Variants in NTN1 observed in about 807,000 individuals in gnomAD.
The protein encoded by NTN1 is netrin 1.
In NTN1, 11 loss-of-function variants were observed where a neutral mutation model predicts 54.2. That is an observed-to-expected ratio of 0.20 (90% CI 0.13 to 0.34). The LOEUF is 0.34. Among genes scored for constraint, NTN1 ranks in the 10% least tolerant of loss-of-function variants. The probability of loss-of-function intolerance (pLI) is 1.00; values close to 1 mark genes in which losing one functional copy is unlikely to be tolerated. For synonymous variants in NTN1, 371 were observed against 382.0 expected (o/e 0.97, Z 0.33); for missense variants, 740 against 893.1 (o/e 0.83, Z 2.18).
intron 5 of NTN1, among the ~76,000 whole-genome samples, chr17:9,200,587 T>C (rs575923130): frequency 5.9e-5 from 9 of 152,354 alleles, no homozygotes; most frequent in Admixed American, 5.2e-4. Flanking sequence ...GGATTTCTTG[T>C]TCAGCCAGGC....
the NTN1 span, among the ~76,000 whole-genome samples, chr17:9,010,457 G>A: frequency 1.3e-5 from 2 of 152,208 alleles, no homozygotes; most frequent in East Asian, 3.8e-4. Flanking sequence ...GGAGCAGTGA[G>A]ATGTGGTCAC....
intron 3 of NTN1, chr17:9,172,794 C>G (rs553758670): frequency 6.6e-6 from 1 of 150,986 alleles, no homozygotes. Context: ...GGTAGATCAC[C>G]TGAGGTCAGG....
chr17:9,170,023 G>A (rs1480530659), intron 3 of NTN1, among the ~76,000 whole-genome samples: 2 of 152,188 alleles, frequency 1.3e-5, no homozygotes, highest in African/African-American at 4.8e-5. Flanking sequence ...GTGTCTTTTG[G>A]GCTTTTTGTT....
At chr17:9,168,224 TTTAAATTTTTTAAA>T (rs565956978) in intron 3 of NTN1, among the ~76,000 whole-genome samples, 1 of 152,344 alleles carries the variant, frequency 6.6e-6, no homozygotes, top group South Asian at 2.1e-4. Flanking sequence ...AGGTTGGGCA[TTTAAATTTTTTAAA>T]TTTAAAAATC....
intron 2 of NTN1, among the ~76,000 whole-genome samples, chr17:9,040,797 C>T (rs1597466651): frequency 6.7e-6 from 1 of 148,572 alleles, no homozygotes; most frequent in East Asian, 2.0e-4. Flanking sequence ...CTCTTTCTTA[C>T]TTTTTTTTTT....
chr17:9,126,424 C>G (rs1217858929), intron 2 of NTN1, among the ~76,000 whole-genome samples: 1 of 152,126 alleles, frequency 6.6e-6, no homozygotes, highest in Non-Finnish European at 1.5e-5. Context: ...GCAGGAGAAT[C>G]ACTTGAACCT....
Position 9,152,228 on chromosome 17 carries a change from G to A in NTN1, c.1019-10585G>A, listed in dbSNP as rs118094471. On this transcript the variant is annotated intron_variant, in intron 2 of 6. Coordinates refer to ENST00000173229, the MANE Select transcript of NTN1 (RefSeq NM_004822.3). ...CTTCATTCTTGAAGTGAGCGAGACCGGGAACCCACTGGCAGGAACCAACTC... is the reference window on the plus strand; with the variant it reads ...CTTCATTCTTGAAGTGAGCGAGACCAGGAACCCACTGGCAGGAACCAACTC... Among the ~76,000 whole-genome samples, 327 of 152,268 alleles carry A rather than the reference G, an allele frequency of 2.1e-3. 1 individual carries two copies. Among genetic ancestry groups the A allele is most frequent in the African/African-American group, 5.6e-3 (234 of 41,550 alleles).
intron 6 of NTN1, among the ~76,000 whole-genome samples, chr17:9,226,075 G>A (rs891293702): frequency 2.7e-5 from 4 of 149,102 alleles, no homozygotes; most frequent in Non-Finnish European, 4.4e-5. Flanking sequence ...GCCCTGTCCC[G>A]TGTTCTCTCG....
intron 5 of NTN1, among the ~76,000 whole-genome samples, chr17:9,208,560 T>C (rs933216237): frequency 1.3e-5 from 2 of 152,156 alleles, no homozygotes; most frequent in Non-Finnish European, 2.9e-5. Context: ...GGTTTTCTTG[T>C]GCCTGGGGCT....
At chr17:9,070,295 A>G (rs2092028194) in intron 2 of NTN1, among the ~76,000 whole-genome samples, 1 of 152,322 alleles carries the variant, frequency 6.6e-6, no homozygotes, top group East Asian at 1.9e-4. Flanking sequence ...AATGTCAGCC[A>G]TGAGCCTTCC....
In NTN1 at chr17:9,226,756, C is replaced by T. The variant is rs375104658; in HGVS notation, c.1486+5514C>T. Among the ~76,000 whole-genome samples, 8 of 152,262 alleles carry T rather than the reference C, an allele frequency of 5.3e-5. No individual in the cohort carries two copies. The East Asian group carries it at 9.7e-4, about 18-fold the overall frequency. On this transcript the variant is annotated intron_variant, in intron 6 of 6. Transcript: ENST00000173229. ...CAGGAAAGCCCAACCTTGGAGGGAC[C>T]CTTCCTCTGCGAGGAGGCGGCGAGT...
In NTN1 at chr17:9,023,405, G is replaced by A; in HGVS notation, c.1018+14G>A. ...ACGAGTGCGTGGGTGAGTGGGGTGCGGCGGCGGAGCCGGCGGCGGGTGGGG... is the reference window on the plus strand; with the variant it reads ...ACGAGTGCGTGGGTGAGTGGGGTGCAGCGGCGGAGCCGGCGGCGGGTGGGG... On this transcript the variant is annotated intron_variant, in intron 2 of 6. Coordinates refer to ENST00000173229, the MANE Select transcript of NTN1 (RefSeq NM_004822.3). 3 of 1,356,164 alleles carry A rather than the reference G, an allele frequency of 2.2e-6. No homozygotes were observed. Among genetic ancestry groups the A allele is most frequent in the African/African-American group, 1.5e-5 (1 of 65,110 alleles). The allele number at this position is 1,356,164 out of a possible 1,614,324, so 84.0% of individuals were successfully genotyped here.
chr17:9,023,715 C>A (rs11867841), intron 2 of NTN1, among the ~76,000 whole-genome samples: 5 of 152,268 alleles, frequency 3.3e-5, no homozygotes, highest in African/African-American at 4.8e-5. Context: ...CCTTCCCCCT[C>A]GTTGGGTTGG....
chr17:9,218,474 G>A lies in NTN1; in HGVS notation c.1412-2694G>A, dbSNP rs79339277. Among the ~76,000 whole-genome samples, 4 of 152,356 alleles carry A rather than the reference G, an allele frequency of 2.6e-5. No individual in the cohort carries two copies. The East Asian group carries it at 7.7e-4, about 29-fold the overall frequency. ...GATTTGTCAAGCAGGGCCTGTGAGTGCAATGTAATTAGGCAGTGATGGATG... is the reference window on the plus strand; with the variant it reads ...GATTTGTCAAGCAGGGCCTGTGAGTACAATGTAATTAGGCAGTGATGGATG... On this transcript the variant is annotated intron_variant, in intron 5 of 6. Coordinates refer to ENST00000173229, the MANE Select transcript of NTN1 (RefSeq NM_004822.3).
chr17:9,099,889 C>G (rs1216782643), intron 2 of NTN1, among the ~76,000 whole-genome samples: 2 of 152,044 alleles, frequency 1.3e-5, no homozygotes, highest in Non-Finnish European at 1.5e-5. Context: ...TTTAAATAAA[C>G]AATGTGACAA....
chr17:9,101,374 G>T (rs541193660), intron 2 of NTN1, among the ~76,000 whole-genome samples: 1 of 152,206 alleles, frequency 6.6e-6, no homozygotes, highest in African/African-American at 2.4e-5. Context: ...GGAATTCCCC[G>T]TGTTGTTTGA....
chr17:9,100,906 C>A (rs1234380125), intron 2 of NTN1, among the ~76,000 whole-genome samples: 1 of 152,156 alleles, frequency 6.6e-6, no homozygotes, highest in Non-Finnish European at 1.5e-5. Flanking sequence ...TTCCTGACCT[C>A]TTTGTTTTAG....
intron 2 of NTN1, among the ~76,000 whole-genome samples, chr17:9,145,656 C>T (rs2092311094): frequency 6.6e-6 from 1 of 152,182 alleles, no homozygotes; most frequent in African/African-American, 2.4e-5. Context: ...GTGGCTCACA[C>T]CTGTAATCCC....
At chr17:9,186,440 G>A (rs1028063407) in intron 5 of NTN1, among the ~76,000 whole-genome samples, 2 of 152,250 alleles carry the variant, frequency 1.3e-5, no homozygotes, top group Admixed American at 6.5e-5. Context: ...ACAGGAGCAT[G>A]GAGCCAGCCA....
Sources: gnomAD v4.1 joint callset for allele counts (sites outside exome capture counted in the v4.1 genomes callset) on GRCh38, gnomAD v4.1.1 for gene constraint, MANE v1.5 for transcripts, NCBI Gene and HGNC (gene_info 2026-07-23, HGNC 2026-07-21) for gene names.